Variants in MCTS1 observed in about 807,000 individuals in gnomAD.
MCTS1 encodes the protein malignant T-cell-amplified sequence 1.
For missense variants in MCTS1, 55 were observed against 128.6 expected, an observed-to-expected ratio of 0.43 and a Z score of 2.77; for synonymous variants, 26 against 40.8, an observed-to-expected ratio of 0.64 and a Z score of 1.38.
At position 120,614,624 on chromosome X, in the gene MCTS1, A is replaced by C. The variant is rs149808168; in HGVS notation, c.*2360A>C. Among the ~76,000 whole-genome samples, 1,504 of 111,859 alleles carry C rather than the reference A, an allele frequency of 0.013. 28 individuals carry two copies. Among genetic ancestry groups the C allele is most frequent in the African/African-American group, 0.046 (1,433 of 30,837 alleles). On this transcript the variant is annotated 3_prime_UTR_variant, in exon 6 of 6. Coordinates refer to ENST00000371317, the MANE Select transcript of MCTS1 (RefSeq NM_014060.3). ...GGGGGTTTCTTCAACAGATAGTTTA[A>C]TTTTTTGCTGACTTACTGGCTTCAA... is the stretch of plus-strand genomic sequence containing the variant.
rs1028275498 is a variant in MCTS1, at chrX:120,604,706, G to A, written c.11+459G>A. ...TGACAGGAAGCAAGCGGCCTGTCAT[G>A]CCTATTGCCTAGCTGCCAGATTAAC... On this transcript the variant is annotated intron_variant, in intron 1 of 5. Transcript: ENST00000371317. 5 of 1,039,710 alleles carry A rather than the reference G, an allele frequency of 4.8e-6. No individual in the cohort carries two copies. The African/African-American group carries it at 7.9e-5, about 16-fold the overall frequency. The allele number at this position is 1,039,710 out of a possible 1,213,427, so 85.7% of individuals were successfully genotyped here.
chrX:120,611,344 T>G, intron 5 of MCTS1: 1 of 231,178 alleles, frequency 4.3e-6, no homozygotes, highest in Non-Finnish European at 7.8e-6. Context: ...TTTAGGAATC[T>G]TATTTAGTAT....
At position 120,620,087 on chromosome X, in the gene MCTS1, G is replaced by A. The variant is rs182509716; in HGVS notation, c.*7823G>A. On this transcript the variant is annotated 3_prime_UTR_variant, in exon 6 of 6. Coordinates refer to ENST00000371317, the MANE Select transcript of MCTS1 (RefSeq NM_014060.3). ...AGTACTTTGGGAGGCCAAGGTGGGCGGATCACGAGGTCAGGAGATCGAGAC... is the reference window on the plus strand; with the variant it reads ...AGTACTTTGGGAGGCCAAGGTGGGCAGATCACGAGGTCAGGAGATCGAGAC... Among the ~76,000 whole-genome samples the A allele has an allele frequency of 1.1e-3, 119 of 110,945 alleles. No homozygotes were observed. Among genetic ancestry groups the A allele is most frequent in the African/African-American group, 3.6e-3 (109 of 30,510 alleles).
chrX:120,604,340 C>A, intron 1 of MCTS1, 93 bp downstream of exon 1: 1 of 1,103,163 alleles, frequency 9.1e-7, no homozygotes, highest in East Asian at 3.1e-5. Context: ...CTTTCTCTCT[C>A]CCCCGCCCCT....
At position 120,615,676 on chromosome X, in the gene MCTS1, C is replaced by T. The variant is rs1926830885; in HGVS notation, c.*3412C>T. ...AAAATCCCAGATGTCTTGGAGTTGCCGTGATTCAGCATCCCAACTCAGATG... is the reference window on the plus strand; with the variant it reads ...AAAATCCCAGATGTCTTGGAGTTGCTGTGATTCAGCATCCCAACTCAGATG... On this transcript the variant is annotated 3_prime_UTR_variant, in exon 6 of 6. Coordinates refer to ENST00000371317, the MANE Select transcript of MCTS1 (RefSeq NM_014060.3). Among the ~76,000 whole-genome samples the T allele has an allele frequency of 9.0e-6, 1 of 111,061 alleles. No individual in the cohort carries two copies. Among genetic ancestry groups the T allele is most frequent in the Non-Finnish European group, 1.9e-5 (1 of 52,985 alleles).
Position 120,616,129 on chromosome X carries a change from C to A in MCTS1, c.*3865C>A, listed in dbSNP as rs1328522173. On this transcript the variant is annotated 3_prime_UTR_variant, in exon 6 of 6. Transcript: ENST00000371317. ...ATGGAAATATGAATGTATGCCCAAG[C>A]AAAATGTCATAAATATTTTAACTTT... Among the ~76,000 whole-genome samples the A allele has an allele frequency of 1.8e-5, 2 of 112,367 alleles. No homozygotes were observed. Among genetic ancestry groups the A allele is most frequent in the Admixed American group, 9.5e-5 (1 of 10,560 alleles).
Position 120,604,280 on chromosome X carries a change from C to T in MCTS1, c.11+33C>T, listed in dbSNP as rs1315433880. 2.5e-6 allele frequency: 3 copies of T among 1,193,544 alleles called. No individual in the cohort carries two copies. In the Admixed American group the frequency reaches 6.7e-5, roughly 27 times the overall value. On this transcript the variant is annotated intron_variant, in intron 1 of 5. Transcript: ENST00000371317. The stretch of plus-strand genomic sequence containing the variant: ...CATGCTGTGGCCTCCATCGGCTGCT[C>T]ACAAAGGCGGTGGGGTGGGGGTGGG...
chrX:120,617,010 G>A lies in MCTS1; in HGVS notation c.*4746G>A, dbSNP rs777753014. Among the ~76,000 whole-genome samples, 3 of 112,348 alleles carry A rather than the reference G, an allele frequency of 2.7e-5. No homozygotes were observed. The highest frequency in any genetic ancestry group is 9.5e-5 in the Admixed American group (1 of 10,547). On this transcript the variant is annotated 3_prime_UTR_variant, in exon 6 of 6. Coordinates refer to ENST00000371317, the MANE Select transcript of MCTS1 (RefSeq NM_014060.3). ...GGTAGGAAAAGGTGTGCAACTAACA[G>A]AAGCAGTTAACCAAAAAATGAGCTT...
rs936917188 is a variant in MCTS1, at chrX:120,617,259, T to A, written c.*4995T>A. ...CAGGCTGGAGTGCAATGGCACGATCTCGGCTCACTGCAACCTCTGTCTTCC... is the reference window on the plus strand; with the variant it reads ...CAGGCTGGAGTGCAATGGCACGATCACGGCTCACTGCAACCTCTGTCTTCC... On this transcript the variant is annotated 3_prime_UTR_variant, in exon 6 of 6. Transcript: ENST00000371317. Among the ~76,000 whole-genome samples the A allele has an allele frequency of 8.9e-6, 1 of 112,127 alleles. No individual in the cohort carries two copies. Among genetic ancestry groups the A allele is most frequent in the African/African-American group, 3.2e-5 (1 of 30,867 alleles).
intron 5 of MCTS1, 68 bp from the exon 6 acceptor site, chrX:120,612,113 TTA>T: frequency 1.3e-6 from 1 of 782,977 alleles, no homozygotes; most frequent in East Asian, 3.2e-5. Flanking sequence ...ATACTTTGAA[TTA>T]TATTTATCAC....
rs1404610700 is a variant in MCTS1, at chrX:120,619,214, C to T, written c.*6950C>T. 9.0e-6 allele frequency among the ~76,000 whole-genome samples: 1 copy of T among 111,372 alleles called. No individual in the cohort carries two copies. The highest frequency in any genetic ancestry group is 1.9e-5 in the Non-Finnish European group (1 of 53,057). On this transcript the variant is annotated 3_prime_UTR_variant, in exon 6 of 6. Coordinates refer to ENST00000371317, the MANE Select transcript of MCTS1 (RefSeq NM_014060.3). Reference sequence around the variant, plus strand: ...TATCTTAAAACAATGAAAGAGTTCCCCTAATTTGAATATTCAATACCAGCT... The same window carrying T: ...TATCTTAAAACAATGAAAGAGTTCCTCTAATTTGAATATTCAATACCAGCT...
In MCTS1 at chrX:120,618,306, G is replaced by A. The variant is rs1204424586; in HGVS notation, c.*6042G>A. Among the ~76,000 whole-genome samples the A allele has an allele frequency of 1.8e-5, 2 of 112,174 alleles. No individual in the cohort carries two copies. Among genetic ancestry groups the A allele is most frequent in the Admixed American group, 9.5e-5 (1 of 10,539 alleles). On this transcript the variant is annotated 3_prime_UTR_variant, in exon 6 of 6. Coordinates refer to ENST00000371317, the MANE Select transcript of MCTS1 (RefSeq NM_014060.3). ...ATGATGTGAAAGATTTTGTATGCAC[G>A]TCTTAGTCTGGATACTGTTTTCATT... is the stretch of plus-strand genomic sequence containing the variant.
Position 120,609,236 on chromosome X carries a change from G to A in MCTS1, c.396+878G>A, listed in dbSNP as rs184364001. Among the ~76,000 whole-genome samples the A allele has an allele frequency of 5.3e-3, 588 of 111,949 alleles. 1 individual carries two copies. The highest frequency in any genetic ancestry group is 8.4e-3 in the Non-Finnish European group (445 of 53,190). ...CTCGCTCTGTCGTCCAAGCTGGAGT[G>A]CAGTGGCACGATCTTGTCTCACTGC... On this transcript the variant is annotated intron_variant, in intron 4 of 5. Coordinates refer to ENST00000371317, the MANE Select transcript of MCTS1 (RefSeq NM_014060.3).
At chrX:120,608,402 G>A (rs1387237217) in intron 4 of MCTS1, 44 bp downstream of exon 4, 1 of 1,123,716 alleles carries the variant, frequency 8.9e-7, no homozygotes. Flanking sequence ...TATTCATTGT[G>A]CTCTTATCAT....
rs541130604 is a variant in MCTS1, at chrX:120,612,928, CTT to C, written c.*679_*680del. On this transcript the variant is annotated 3_prime_UTR_variant, in exon 6 of 6. Coordinates refer to ENST00000371317, the MANE Select transcript of MCTS1 (RefSeq NM_014060.3). ...TCATTTCATCCATAACTACTTTATT[CTT>C]TTTTTTTTTTTTTTGAAACAGGGTC... Among the ~76,000 whole-genome samples, 21 of 93,048 alleles carry C rather than the reference CTT, an allele frequency of 2.3e-4. No individual in the cohort carries two copies. Among genetic ancestry groups the C allele is most frequent in the Admixed American group, 3.7e-4 (3 of 8,058 alleles). 80.8% of individuals were successfully genotyped at this position (93,048 alleles called of 115,157 possible). A position where few individuals can be genotyped will look rare whatever the true frequency, so the allele number is the denominator to read the frequency against.
At chrX:120,611,914 A>T in intron 5 of MCTS1, among the ~76,000 whole-genome samples, 1 of 112,065 alleles carries the variant, frequency 8.9e-6, no homozygotes, top group South Asian at 3.7e-4. Flanking sequence ...TTCAGGGTTA[A>T]TGTAGCACTT....
chrX:120,606,741 G>A (rs1049982703), intron 3 of MCTS1, among the ~76,000 whole-genome samples: 3 of 95,962 alleles, frequency 3.1e-5, no homozygotes, highest in African/African-American at 1.2e-4. Flanking sequence ...CAGAGATCAC[G>A]CCATTGCACT....
Position 120,621,134 on chromosome X carries a change from TAAATA to T in MCTS1, c.*8876_*8880del, listed in dbSNP as rs1927028467. ...GATAATATTTTGGATATGTTTGGGT[TAAATA>T]AAATATATTACTAAAAGTAATTTCA... On this transcript the variant is annotated 3_prime_UTR_variant, in exon 6 of 6. Transcript: ENST00000371317. 8.9e-6 allele frequency: 1 copy of T among 112,889 alleles called. No homozygotes were observed. Among genetic ancestry groups the T allele is most frequent in the Non-Finnish European group, 1.9e-5 (1 of 53,434 alleles). 9.3% of individuals were successfully genotyped at this position (112,889 alleles called of 1,213,427 possible).
chrX:120,610,464 T>G (rs887700561), intron 4 of MCTS1, among the ~76,000 whole-genome samples: 2 of 110,287 alleles, frequency 1.8e-5, no homozygotes, highest in Non-Finnish European at 3.8e-5. Context: ...AATACAAAAA[T>G]TAGCTGGGTG....
Sources: gnomAD v4.1 joint callset for allele counts (sites outside exome capture counted in the v4.1 genomes callset) on GRCh38, gnomAD v4.1.1 for gene constraint, MANE v1.5 for transcripts, NCBI Gene and HGNC (gene_info 2026-07-23, HGNC 2026-07-21) for gene names.